ROBO2: variants seen among roughly 807,000 people sequenced by gnomAD.
ROBO2 encodes the protein roundabout homolog 2.
Under a neutral mutation model 160.8 loss-of-function variants are expected in ROBO2, and 53 were observed. The ratio of observed to expected loss-of-function variants is 0.33; its 90% CI spans 0.26 to 0.41. The LOEUF is 0.41. Ranked by LOEUF, ROBO2 falls within the 10% of genes least tolerant of loss-of-function variation. The probability of loss-of-function intolerance (pLI) is 1.00; values close to 1 mark genes in which losing one functional copy is unlikely to be tolerated. For missense variants in ROBO2, 1,577 were observed against 1,722.4 expected, an observed-to-expected ratio of 0.92 and a Z score of 1.49; for synonymous variants, 664 against 611.7, an observed-to-expected ratio of 1.09 and a Z score of -1.26.
At chr3:77,262,924 A>G (rs1464248201) in intron 2 of ROBO2, among the ~76,000 whole-genome samples, 1 of 152,194 alleles carries the variant, frequency 6.6e-6, no homozygotes, top group East Asian at 1.9e-4. Context: ...GAGTTTTGCT[A>G]TAAACTAAAT....
intron 2 of ROBO2, among the ~76,000 whole-genome samples, chr3:77,161,739 T>C (rs2150621895): frequency 6.6e-6 from 1 of 152,290 alleles, no homozygotes; most frequent in Middle Eastern, 3.4e-3. Context: ...CGTTTTTTTT[T>C]TCTTAGCCTT....
At chr3:75,950,692 A>G (rs1948502434) in intron 2 of ROBO2, among the ~76,000 whole-genome samples, 1 of 151,400 alleles carries the variant, frequency 6.6e-6, no homozygotes. Context: ...TGTAGAGCTT[A>G]TGTATTCTCC....
chr3:77,217,236 G>A (rs559128409), intron 2 of ROBO2, among the ~76,000 whole-genome samples: 5 of 152,038 alleles, frequency 3.3e-5, no homozygotes, highest in African/African-American at 1.2e-4. Flanking sequence ...TCTGCCTCCT[G>A]GGTTCAAACA....
chr3:76,565,956 C>T lies in ROBO2; in HGVS notation c.110-532058C>T, dbSNP rs547234777. ...ATAGCACACTCATCATCGTAGCCAA[C>T]GGGTATTGCCTGGTACTCTGCCATT... On this transcript the variant is annotated intron_variant, in intron 2 of 26. Transcript: ENST00000487694. Among the ~76,000 whole-genome samples, 139 of 152,240 alleles carry T rather than the reference C, an allele frequency of 9.1e-4. 1 individual carries two copies. The highest frequency in any genetic ancestry group is 3.1e-3 in the African/African-American group (128 of 41,556).
chr3:76,353,561 A>G (rs2074997949), intron 2 of ROBO2, among the ~76,000 whole-genome samples: 1 of 151,826 alleles, frequency 6.6e-6, no homozygotes, highest in African/African-American at 2.4e-5. Flanking sequence ...TGTTTGGTTC[A>G]CCTAAGTTAA....
chr3:76,924,248 C>T (rs569543921), intron 2 of ROBO2, among the ~76,000 whole-genome samples: 6 of 151,968 alleles, frequency 3.9e-5, no homozygotes, highest in Non-Finnish European at 7.4e-5. Context: ...TTATAGTATC[C>T]GAACTTCCAC....
chr3:77,115,611 C>A (rs1203540127), intron 2 of ROBO2, among the ~76,000 whole-genome samples: 1 of 152,150 alleles, frequency 6.6e-6, no homozygotes, highest in Non-Finnish European at 1.5e-5. Context: ...TAAGCGGAAT[C>A]ATCATTACTC....
At chr3:76,965,055 A>G (rs995173206) in intron 2 of ROBO2, among the ~76,000 whole-genome samples, 1 of 152,194 alleles carries the variant, frequency 6.6e-6, no homozygotes, top group Non-Finnish European at 1.5e-5. Context: ...GCTGAACACA[A>G]CTCAAGTGCT....
At position 76,395,876 on chromosome 3, in the gene ROBO2, C is replaced by T. The variant is rs534643664; in HGVS notation, c.109+458274C>T. The stretch of plus-strand genomic sequence containing the variant: ...GTCCAGGACCAGATGGATTCACAGC[C>T]GAATTCTACCAGAGGTACAAGGAGG... On this transcript the variant is annotated intron_variant, in intron 2 of 26. Coordinates refer to the ROBO2 transcript ENST00000487694. 1.6e-4 allele frequency among the ~76,000 whole-genome samples: 25 copies of T among 152,170 alleles called. No individual in the cohort carries two copies. In the East Asian group the frequency reaches 3.3e-3, roughly 20 times the overall value.
At chr3:77,190,088 AAATGACG>A (rs2081685443) in intron 2 of ROBO2, among the ~76,000 whole-genome samples, 1 of 151,966 alleles carries the variant, frequency 6.6e-6, no homozygotes, top group Admixed American at 6.6e-5. Flanking sequence ...ATTGACTTTG[AAATGACG>A]TATTTGTTCT....
chr3:76,883,889 T>C (rs989379833), intron 2 of ROBO2, among the ~76,000 whole-genome samples: 1 of 152,140 alleles, frequency 6.6e-6, no homozygotes, highest in Non-Finnish European at 1.5e-5. Flanking sequence ...GCTATATTCA[T>C]GCTATGGTGC....
At chr3:76,214,919 G>C (rs1052078585) in intron 2 of ROBO2, among the ~76,000 whole-genome samples, 1 of 152,130 alleles carries the variant, frequency 6.6e-6, no homozygotes, top group African/African-American at 2.4e-5. Context: ...CCTCAGTATG[G>C]GCGGACTGAC....
intron 2 of ROBO2, chr3:77,316,887 G>T: frequency 8.5e-7 from 1 of 1,172,376 alleles, no homozygotes; most frequent in Non-Finnish European, 1.3e-6. Context: ...TCAGGCTGGA[G>T]TTGTTCACTT....
At chr3:77,377,229 A>T (rs1405086153) in intron 2 of ROBO2, among the ~76,000 whole-genome samples, 1 of 152,232 alleles carries the variant, frequency 6.6e-6, no homozygotes, top group East Asian at 1.9e-4. Context: ...TTCAAAATTC[A>T]AATATAAATG....
intron 2 of ROBO2, among the ~76,000 whole-genome samples, chr3:76,606,763 A>G (rs1352300995): frequency 4.6e-5 from 7 of 152,128 alleles, no homozygotes; most frequent in Non-Finnish European, 1.0e-4. Context: ...CCAGAGGATT[A>G]ATGGTTAATT....
At chr3:76,071,282 G>A (rs968487844) in intron 2 of ROBO2, among the ~76,000 whole-genome samples, 1 of 152,124 alleles carries the variant, frequency 6.6e-6, no homozygotes, top group African/African-American at 2.4e-5. Flanking sequence ...CACTTTTGGA[G>A]TTAGAATTTT....
chr3:75,913,879 C>T (rs1195235131), intron 1 of ROBO2, among the ~76,000 whole-genome samples: 3 of 151,990 alleles, frequency 2.0e-5, no homozygotes, highest in African/African-American at 4.8e-5. Context: ...CACAAACATT[C>T]GTTGTGAATA....
intron 8 of ROBO2, 90 bp downstream of exon 9, chr3:77,551,079 A>T (rs2092903524): frequency 1.5e-6 from 2 of 1,369,830 alleles, no homozygotes; most frequent in Non-Finnish European, 2.1e-6. Flanking sequence ...TGATTTGTTA[A>T]ATCATTTCTA....
intron 2 of ROBO2, among the ~76,000 whole-genome samples, chr3:76,797,630 CA>C (rs1398004777): frequency 6.6e-6 from 1 of 150,860 alleles, no homozygotes; most frequent in East Asian, 1.9e-4. Context: ...CAAAATGAAA[CA>C]AAAAAGTGAT....
Sources: gnomAD v4.1 joint callset for allele counts (sites outside exome capture counted in the v4.1 genomes callset) on GRCh38, gnomAD v4.1.1 for gene constraint, MANE v1.5 for transcripts, NCBI Gene and HGNC (gene_info 2026-07-23, HGNC 2026-07-21) for gene names.